The following FRMD4B variants were observed in gnomAD, a reference collection of about 807,000 sequenced individuals.
FRMD4B encodes FERM domain containing 4B, also known as FERM domain-containing protein 4B.
FRMD4B carries 74 observed loss-of-function variants against 141.5 expected under a neutral mutation model. The observed-to-expected ratio is 0.52, with a 90% CI of 0.43 to 0.63. FRMD4B has a LOEUF of 0.63. FRMD4B is among the 30% of genes least tolerant of loss of function. The pLI is 0.00. For synonymous variants in FRMD4B, 506 were observed against 467.9 expected, an observed-to-expected ratio of 1.08 and a Z score of -1.05; for missense variants, 1,366 against 1,253.4, an observed-to-expected ratio of 1.09 and a Z score of -1.36.
chr3:69,185,348 G>A (rs2092754868), intron 19 of FRMD4B, among the ~76,000 whole-genome samples: 1 of 151,358 alleles, frequency 6.6e-6, no homozygotes, highest in African/African-American at 2.4e-5. Flanking sequence ...ATAGCAATGT[G>A]GAGGTTATAT....
At chr3:69,259,729 C>T (rs2093514133) in intron 5 of FRMD4B, among the ~76,000 whole-genome samples, 1 of 152,152 alleles carries the variant, frequency 6.6e-6, no homozygotes, top group Non-Finnish European at 1.5e-5. Context: ...TTAAATTGAT[C>T]TTGTCAGGTT....
intron 1 of FRMD4B, among the ~76,000 whole-genome samples, chr3:69,477,894 T>G (rs1403015161): frequency 1.3e-5 from 2 of 152,042 alleles, no homozygotes; most frequent in Non-Finnish European, 2.9e-5. Flanking sequence ...CTGTTATTGG[T>G]CTATTCAGAG....
chr3:69,499,462 T>C (rs1706457544), intron 1 of FRMD4B, among the ~76,000 whole-genome samples: 1 of 152,172 alleles, frequency 6.6e-6, no homozygotes, highest in Admixed American at 6.5e-5. Flanking sequence ...AACTTTTGCA[T>C]GGGAGCTGAT....
In FRMD4B at chr3:69,311,323, A is replaced by G. The variant is rs748399597; in HGVS notation, c.263T>C (p.Val88Ala). 6 of 1,604,056 alleles carry G rather than the reference A, an allele frequency of 3.7e-6. No individual in the cohort carries two copies. The highest frequency in any genetic ancestry group is 1.1e-5 in the South Asian group (1 of 90,600). ...KLLARELLDLVASHFNLKEKE... is the reference protein window; with the variant it reads ...KLLARELLDLAASHFNLKEKE... The stretch of plus-strand genomic sequence containing the variant: ...TTCTTTCAGGTTGAAATGTGAAGCC[A>G]CTAGGTCCAGCAACTCTCTTGCTAG... Residue 88 changes from valine to alanine, a missense_variant, in exon 3 of 23, where the codon GTG (valine) becomes GCG (alanine). By Grantham distance (64) the Val-to-Ala change is moderately conservative. Coordinates refer to ENST00000398540, the MANE Select transcript of FRMD4B (RefSeq NM_015123.3).
intron 5 of FRMD4B, among the ~76,000 whole-genome samples, chr3:69,253,289 C>T (rs1415405875): frequency 2.0e-5 from 3 of 150,674 alleles, no homozygotes; most frequent in Non-Finnish European, 4.4e-5. Flanking sequence ...ACTCCCTGTC[C>T]AGTGCTCTTT....
intron 1 of FRMD4B, among the ~76,000 whole-genome samples, chr3:69,509,283 T>A (rs1331989008): frequency 1.3e-5 from 2 of 152,204 alleles, no homozygotes; most frequent in African/African-American, 2.4e-5. Context: ...TAACTCTACG[T>A]CTTCACTTGA....
At chr3:69,288,062 G>A (rs1700750000) in intron 4 of FRMD4B, among the ~76,000 whole-genome samples, 1 of 152,202 alleles carries the variant, frequency 6.6e-6, no homozygotes, top group Non-Finnish European at 1.5e-5. Context: ...TGGAAGGTGA[G>A]TTAAAGAGAA....
intron 1 of FRMD4B, among the ~76,000 whole-genome samples, chr3:69,486,002 T>C (rs1225388141): frequency 1.3e-5 from 2 of 152,216 alleles, no homozygotes; most frequent in African/African-American, 4.8e-5. Context: ...TGATTCTAGA[T>C]TGAGATACAA....
chr3:69,475,987 T>G (rs1486660348), intron 1 of FRMD4B, among the ~76,000 whole-genome samples: 1 of 151,766 alleles, frequency 6.6e-6, no homozygotes, highest in Non-Finnish European at 1.5e-5. Context: ...TATGTTTTTT[T>G]GGCTGCATAA....
chr3:69,497,560 C>A (rs9859812), intron 1 of FRMD4B, among the ~76,000 whole-genome samples: 80,391 of 151,702 alleles, frequency 0.53, 21,711 homozygotes, highest in African/African-American at 0.64. Flanking sequence ...GTCTCAATAT[C>A]CTCCTTATAA....
chr3:69,464,927 G>T (rs1425358602), intron 1 of FRMD4B, among the ~76,000 whole-genome samples: 1 of 152,158 alleles, frequency 6.6e-6, no homozygotes, highest in African/African-American at 2.4e-5. Flanking sequence ...ACTGCAAGGG[G>T]AAATAACAAA....
At chr3:69,297,743 GCAGCCAGATAACAACCCC>G (rs747748577) in intron 4 of FRMD4B, among the ~76,000 whole-genome samples, 10 of 152,234 alleles carry the variant, frequency 6.6e-5, no homozygotes, top group Middle Eastern at 3.4e-3. Flanking sequence ...ATAATTTATG[GCAGCCAGATAACAACCCC>G]CAGCCTGGGG....
chr3:69,248,662 G>T (rs553790873), intron 7 of FRMD4B, among the ~76,000 whole-genome samples: 154 of 152,328 alleles, frequency 1.0e-3, no homozygotes, highest in African/African-American at 3.6e-3. Flanking sequence ...TAAAAGGACA[G>T]AATGGAGCAG....
chr3:69,262,547 C>T (rs1314040614), intron 5 of FRMD4B, among the ~76,000 whole-genome samples: 1 of 146,308 alleles, frequency 6.8e-6, no homozygotes, highest in South Asian at 2.2e-4. Context: ...CTCATCATCG[C>T]CTCCCAGGTT....
chr3:69,533,035 G>A (rs1701026398), intron 1 of FRMD4B, among the ~76,000 whole-genome samples: 1 of 152,240 alleles, frequency 6.6e-6, no homozygotes, highest in Admixed American at 6.5e-5. Context: ...AACACATTCA[G>A]TGTTTATTTG....
At chr3:69,402,367 C>G (rs768832523) in intron 2 of FRMD4B, among the ~76,000 whole-genome samples, 1 of 152,154 alleles carries the variant, frequency 6.6e-6, no homozygotes, top group Admixed American at 6.5e-5. Context: ...GAAACTGGAG[C>G]CTTCAAGTAT....
chr3:69,204,914 T>G (rs1481144448), intron 11 of FRMD4B, among the ~76,000 whole-genome samples: 1 of 152,154 alleles, frequency 6.6e-6, no homozygotes, highest in East Asian at 1.9e-4. Flanking sequence ...TAAAGTAAAT[T>G]GACCAAGGTC....
At chr3:69,194,411 A>G (rs2092876636) in intron 16 of FRMD4B, among the ~76,000 whole-genome samples, 1 of 152,230 alleles carries the variant, frequency 6.6e-6, no homozygotes. Context: ...GCACTCAGTA[A>G]ATAGTAAAGA....
intron 1 of FRMD4B, among the ~76,000 whole-genome samples, chr3:69,461,261 A>G (rs1705702303): frequency 6.6e-6 from 1 of 152,170 alleles, no homozygotes; most frequent in Non-Finnish European, 1.5e-5. Context: ...AATAACACAT[A>G]AAAATGTGAA....
Sources: allele counts gnomAD v4.1 joint callset (sites outside exome capture counted in the v4.1 genomes callset), GRCh38; gene constraint gnomAD v4.1.1; transcripts MANE v1.5; gene names NCBI Gene and HGNC (gene_info 2026-07-23, HGNC 2026-07-21).